SLC44A4: variants seen among roughly 807,000 people sequenced by gnomAD.
The protein encoded by SLC44A4 is choline transporter-like protein 4.
Under a neutral mutation model 97.0 loss-of-function variants are expected in SLC44A4, and 74 were observed. That is an observed-to-expected ratio of 0.76 (90% CI 0.63 to 0.93). The LOEUF is 0.93. Ranked by LOEUF, SLC44A4 falls within the 40% of genes least tolerant of loss-of-function variation. The pLI is 0.00. For missense variants in SLC44A4, 799 were observed against 902.9 expected, an observed-to-expected ratio of 0.88 and a Z score of 1.48; for synonymous variants, 325 against 363.8, an observed-to-expected ratio of 0.89 and a Z score of 1.21.
chr6:31,869,978 C>T (rs1225352659), intron 11 of SLC44A4, among the ~76,000 whole-genome samples: 1 of 116,236 alleles, frequency 8.6e-6, no homozygotes, highest in African/African-American at 3.5e-5. Flanking sequence ...GAGCGAGACT[C>T]CGTCTCAAAA....
chr6:31,875,818 G>A (rs201161599), intron 4 of SLC44A4, 34 bp downstream of exon 4: 63 of 1,563,638 alleles, frequency 4.0e-5, no homozygotes, highest in Non-Finnish European at 4.9e-5. Flanking sequence ...ACCTCGCCTC[G>A]CTCCTGCACT....
Position 31,869,575 on chromosome 6 carries a change from A to T in SLC44A4, c.1100T>A (p.Ile367Asn). The change falls in exon 12 of 21, where the codon ATC (isoleucine) becomes AAC (asparagine). Residue 367 changes from isoleucine to asparagine, a missense_variant. Physicochemically the swap from Ile to Asn is moderately radical, Grantham distance 149. Coordinates refer to ENST00000229729, the MANE Select transcript of SLC44A4 (RefSeq NM_025257.3). ...YPLVTFVLLLICIAYWAMTAL... is the reference protein window; with the variant it reads ...YPLVTFVLLLNCIAYWAMTAL... ...AGTCATGGCCCAGTAGGCAATGCAG[A>T]TGAGGAGGAGGACAAAGGTGACCAG... The T allele has an allele frequency of 6.2e-7, 1 of 1,606,556 alleles. No homozygotes were observed. Among genetic ancestry groups the T allele is most frequent in the African/African-American group, 1.3e-5 (1 of 74,950 alleles).
rs959372214 is a variant in SLC44A4 at position 31,878,016 on chromosome 6, C to G, written c.40+925G>C. On this transcript the variant is annotated intron_variant, in intron 1 of 20. Transcript: ENST00000229729. This position sits in a 1 kb window ranked among gnomAD's most constrained non-coding sequence, Gnocchi z 4.0. ...GCCCTAAGGGACTCAAGCCTCTCCTCGAGAAGGTCCCTCATAGGGGTTCCT... is the reference window on the plus strand; with the variant it reads ...GCCCTAAGGGACTCAAGCCTCTCCTGGAGAAGGTCCCTCATAGGGGTTCCT... The G allele has an allele frequency of 6.6e-6, 1 of 152,102 alleles. No homozygotes were observed. The highest frequency in any genetic ancestry group is 1.5e-5 in the Non-Finnish European group (1 of 68,026). The allele number at this position is 152,102 out of a possible 1,614,324, so 9.4% of individuals were successfully genotyped here.
rs771743354 is a variant in SLC44A4, at chr6:31,865,507, T to C, written c.1677A>G (p.Ala559=). The stretch of plus-strand genomic sequence containing the variant: ...TTGCAGTGTAGCTCACCATGATGTA[T>C]GCATTGCGGTTTAGGAACTTGATAA... ...EKFIKFLNRN[A]YIMIAIYGKN... Residue 559 remains alanine (A), a synonymous_variant, in exon 16 of 21, where the codon GCA becomes GCG. Coordinates refer to ENST00000229729, the MANE Select transcript of SLC44A4 (RefSeq NM_025257.3). The surrounding 1 kb of genome is among the most constrained non-coding windows in gnomAD (Gnocchi z 5.2). The C allele has an allele frequency of 2.4e-5, 39 of 1,606,618 alleles. No individual in the cohort carries two copies. The highest frequency in any genetic ancestry group is 3.2e-5 in the Non-Finnish European group (37 of 1,174,332).
rs1410622292 is a variant in SLC44A4, at chr6:31,869,530, G to A, written c.1130+15C>T. The stretch of plus-strand genomic sequence containing the variant: ...CAGGACTCCAAGAGTGGCTGGCTGC[G>A]TGGGCAGAGGATACAGAGCAGTCAT... On this transcript the variant is annotated intron_variant, in intron 12 of 20. Coordinates refer to ENST00000229729, the MANE Select transcript of SLC44A4 (RefSeq NM_025257.3). 1.3e-5 allele frequency: 21 copies of A among 1,587,450 alleles called. No individual in the cohort carries two copies. In the South Asian group the frequency reaches 1.9e-4, roughly 15 times the overall value.
intron 7 of SLC44A4, 147 bp from the exon 8 acceptor site, chr6:31,871,708 G>A: frequency 1.5e-6 from 1 of 659,774 alleles, no homozygotes; most frequent in South Asian, 1.8e-5. Context: ...TTTCACAAAT[G>A]GGCTTCTGCC....
Position 31,870,981 on chromosome 6 carries a change from G to A in SLC44A4, c.768C>T (p.Pro256=), listed in dbSNP as rs1428531978. 3 of 1,612,784 alleles carry A rather than the reference G, an allele frequency of 1.9e-6. No homozygotes were observed. The highest frequency in any genetic ancestry group is 2.5e-6 in the Non-Finnish European group (3 of 1,179,978). Residue 256 remains proline (P), a synonymous_variant, in exon 10 of 21, where the codon CCC becomes CCT. Coordinates refer to ENST00000229729, the MANE Select transcript of SLC44A4 (RefSeq NM_025257.3). ...CTCCCAGGATCAGCACCAGCACCAG[G>A]GGCCCAGCCACCAGGCGCAGAAGCA... The part of the protein sequence containing the change: ...FILLLRLVAG[P]LVLVLILGVL...
rs1245705469 is a variant in SLC44A4 at position 31,874,515 on chromosome 6, C to T, written c.474G>A (p.Val158=). Residue 158 remains valine, a synonymous_variant, in exon 7 of 21, where the codon GTG becomes GTA. Coordinates refer to ENST00000229729, the MANE Select transcript of SLC44A4 (RefSeq NM_025257.3). The surrounding 1 kb of genome is among the most constrained non-coding windows in gnomAD (Gnocchi z 4.8). ...AGAGTTCCTGTTGCAGGCTTGTGAT[C>T]ACCGTCTGTGGCAGGAGTGAAAGGA... ...CLPGVPWNMT[V]ITSLQQELCP... 1 of 1,612,738 alleles carries T rather than the reference C, an allele frequency of 6.2e-7. No homozygotes were observed. The highest frequency in any genetic ancestry group is 8.5e-7 in the Non-Finnish European group (1 of 1,179,852).
chr6:31,864,598 T>G (rs1581830911), intron 20 of SLC44A4, 54 bp downstream of exon 20: 2 of 1,502,400 alleles, frequency 1.3e-6, no homozygotes, highest in East Asian at 2.3e-5. Context: ...AAAAAAATGC[T>G]TGAACGGCTC....
chr6:31,869,414 G>T, intron 12 of SLC44A4, 131 bp downstream of exon 12: 1 of 948,074 alleles, frequency 1.1e-6, no homozygotes, highest in Non-Finnish European at 1.6e-6. Flanking sequence ...CAGGCACAGT[G>T]CTGGTGTGTC....
At chr6:31,872,116 C>G (rs1763209912) in intron 7 of SLC44A4, among the ~76,000 whole-genome samples, 1 of 152,236 alleles carries the variant, frequency 6.6e-6, no homozygotes, top group Non-Finnish European at 1.5e-5. Flanking sequence ...TCCAGGAAGC[C>G]TTCTGACCTT....
Position 31,865,466 on chromosome 6 carries a change from C to A in SLC44A4, c.1686+32G>T. The A allele has an allele frequency of 6.2e-7, 1 of 1,612,776 alleles. No homozygotes were observed. The highest frequency in any genetic ancestry group is 1.1e-5 in the South Asian group (1 of 91,060). On this transcript the variant is annotated intron_variant, in intron 16 of 20. Coordinates refer to ENST00000229729, the MANE Select transcript of SLC44A4 (RefSeq NM_025257.3). The surrounding 1 kb of genome is among the most constrained non-coding windows in gnomAD (Gnocchi z 5.2). The stretch of plus-strand genomic sequence containing the variant: ...TGGGGGTGTCTAGACCAAAGGGCAC[C>A]AGAACAAAGGGTTGCTTGCAGTGTA...
chr6:31,873,336 C>A (rs1763276902), intron 7 of SLC44A4, among the ~76,000 whole-genome samples: 1 of 152,118 alleles, frequency 6.6e-6, no homozygotes, highest in African/African-American at 2.4e-5. Flanking sequence ...GTGCATGCCA[C>A]CACGCCCAGC....
intron 7 of SLC44A4, among the ~76,000 whole-genome samples, chr6:31,873,853 T>A (rs1436543050): frequency 1.3e-5 from 2 of 151,886 alleles, no homozygotes; most frequent in South Asian, 2.1e-4. Context: ...GGTGGGTGGA[T>A]CACGAAGTTA....
rs765000126 is a variant in SLC44A4, at chr6:31,865,003, C to T, written c.1831+7G>A. 9.9e-6 allele frequency: 16 copies of T among 1,613,882 alleles called. No individual in the cohort carries two copies. The African/African-American group carries it at 1.1e-4, about 11-fold the overall frequency. On this transcript the variant is annotated splice_region_variant and intron_variant, in intron 18 of 20. Transcript: ENST00000229729. The surrounding 1 kb of genome is among the most constrained non-coding windows in gnomAD (Gnocchi z 5.2). ...ACCCTCTGTCCCCACAGCTTCTGGTCCCTTACCCACGCCTCCGACCACCAG... is the reference window on the plus strand; with the variant it reads ...ACCCTCTGTCCCCACAGCTTCTGGTTCCTTACCCACGCCTCCGACCACCAG...
Position 31,863,703 on chromosome 6 carries a change from T to C in SLC44A4, c.2057A>G (p.Tyr686Cys). Residue 686 changes from tyrosine to cysteine, a missense_variant, in exon 21 of 21, where the codon TAC becomes TGC. By Grantham distance (194) the Tyr-to-Cys change is radical. Coordinates refer to ENST00000229729, the MANE Select transcript of SLC44A4 (RefSeq NM_025257.3). Reference sequence around the variant, plus strand: ...AATCTTTAGAAGGCTCTTGGACATGTAGTAGGGCCGGTCCAGGGAGCCGTT... The same window carrying C: ...AATCTTTAGAAGGCTCTTGGACATGCAGTAGGGCCGGTCCAGGGAGCCGTT... ...RNNGSLDRPYYMSKSLLKILG... is the reference protein window; with the variant it reads ...RNNGSLDRPYCMSKSLLKILG... 1 of 1,612,508 alleles carries C rather than the reference T, an allele frequency of 6.2e-7. No individual in the cohort carries two copies. The highest frequency in any genetic ancestry group is 2.2e-5 in the East Asian group (1 of 44,842).
chr6:31,870,668 C>T lies in SLC44A4; in HGVS notation c.972G>A (p.Leu324=). ...IVLAVLEAIL[L]LMLIFLRQRI... Reference sequence around the variant, plus strand: ...GCTGCCGCAGGAAGATGAGCATCAGCAGCAGGATGGCTTCAAGCACCGCCA... The same window carrying T: ...GCTGCCGCAGGAAGATGAGCATCAGTAGCAGGATGGCTTCAAGCACCGCCA... Residue 324 remains leucine, a synonymous_variant, in exon 11 of 21, where the codon CTG becomes CTA. Coordinates refer to ENST00000229729, the MANE Select transcript of SLC44A4 (RefSeq NM_025257.3). The T allele has an allele frequency of 6.2e-7, 1 of 1,610,926 alleles. No individual in the cohort carries two copies. Among genetic ancestry groups the T allele is most frequent in the Non-Finnish European group, 8.5e-7 (1 of 1,179,042 alleles).
rs1232123502 is a variant in SLC44A4 at position 31,871,039 on chromosome 6, C to T, written c.710G>A (p.Gly237Glu). 1 of 1,606,526 alleles carries T rather than the reference C, an allele frequency of 6.2e-7. No individual in the cohort carries two copies. The highest frequency in any genetic ancestry group is 1.1e-5 in the South Asian group (1 of 90,358). The stretch of plus-strand genomic sequence containing the variant: ...CAGTAGGCTCAAGACCAGAGCCACC[C>T]CCAGGGCACTGTAGGCAGGGTGAGG... ...QSWYWILVAL[G>E]VALVLSLLFI... Residue 237 changes from glycine (G) to glutamate (E), a missense_variant, in exon 10 of 21, where the codon GGG (glycine) becomes GAG (glutamate). Physicochemically the swap from Gly to Glu is moderately conservative, Grantham distance 98 (BLOSUM62 -2). Coordinates refer to ENST00000229729, the MANE Select transcript of SLC44A4 (RefSeq NM_025257.3).
chr6:31,864,929 G>T lies in SLC44A4; in HGVS notation c.1832-19C>A. 1.2e-6 allele frequency: 2 copies of T among 1,613,778 alleles called. No individual in the cohort carries two copies. Among genetic ancestry groups the T allele is most frequent in the Non-Finnish European group, 1.7e-6 (2 of 1,179,816 alleles). ...AGGACCCCTGTGGAATAATTCTGGG[G>T]GTTAGTGCTGCACCTCTGAGGCCAC... On this transcript the variant is annotated intron_variant, in intron 18 of 20. Transcript: ENST00000229729.
Sources: gnomAD v4.1 joint callset for allele counts (sites outside exome capture counted in the v4.1 genomes callset) on GRCh38, gnomAD v4.1.1 for gene constraint, Gnocchi (gnomAD v3.1) non-coding constraint, MANE v1.5 for transcripts, NCBI Gene and HGNC (gene_info 2026-07-23, HGNC 2026-07-21) for gene names.